ATRNL1: variants seen among roughly 807,000 people sequenced by gnomAD.
The protein encoded by ATRNL1 is attractin-like protein 1.
ATRNL1 carries 95 observed loss-of-function variants against 182.7 expected under a neutral mutation model. That is an observed-to-expected ratio of 0.52 (90% CI 0.44 to 0.62). The LOEUF is 0.62. ATRNL1 is among the 20% of genes least tolerant of loss of function. The pLI is 0.00. For missense variants in ATRNL1, 1,471 were observed against 1,679.5 expected (o/e 0.88, Z 2.17); for synonymous variants, 576 against 568.3 (o/e 1.01, Z -0.19).
intron 27 of ATRNL1, among the ~76,000 whole-genome samples, chr10:115,766,701 T>G (rs536229239): frequency 1.3e-5 from 2 of 152,296 alleles, no homozygotes; most frequent in South Asian, 4.1e-4. Context: ...AAATCCACAA[T>G]CAAGTGTAGA....
chr10:115,259,430 C>G (rs1255653955), intron 10 of ATRNL1, among the ~76,000 whole-genome samples: 2 of 152,218 alleles, frequency 1.3e-5, no homozygotes, highest in East Asian at 3.9e-4. Context: ...AAGCCAGGCA[C>G]TGGAGAGAAT....
At chr10:115,703,797 T>C (rs1472292887) in intron 26 of ATRNL1, among the ~76,000 whole-genome samples, 1 of 151,760 alleles carries the variant, frequency 6.6e-6, no homozygotes, top group Non-Finnish European at 1.5e-5. Context: ...TTTGGGGGAA[T>C]TTTCTTTCCA....
chr10:115,921,776 C>T (rs1405670010), intron 28 of ATRNL1, among the ~76,000 whole-genome samples: 1 of 152,084 alleles, frequency 6.6e-6, no homozygotes, highest in African/African-American at 2.4e-5. Flanking sequence ...ATTGTGTTAG[C>T]GTAAAGTGTT....
chr10:115,190,656 A>G (rs1420224120), intron 8 of ATRNL1, among the ~76,000 whole-genome samples: 1 of 152,162 alleles, frequency 6.6e-6, no homozygotes, highest in Non-Finnish European at 1.5e-5. Context: ...TGTAATGATC[A>G]AATCAGGGTA....
chr10:115,489,107 G>T (rs797027236), intron 24 of ATRNL1, among the ~76,000 whole-genome samples: 32 of 152,164 alleles, frequency 2.1e-4, no homozygotes, highest in African/African-American at 7.2e-4. Flanking sequence ...TATGATTTCC[G>T]TTCTTTTGCA....
In ATRNL1 at chr10:115,093,550, C is replaced by T; in HGVS notation, c.-201C>T. 4.3e-6 allele frequency: 3 copies of T among 694,412 alleles called. No individual in the cohort carries two copies. Among genetic ancestry groups the T allele is most frequent in the Non-Finnish European group, 7.8e-6 (3 of 386,716 alleles). The allele number at this position is 694,412 out of a possible 1,614,324, so 43.0% of individuals were successfully genotyped here. A position where few individuals can be genotyped will look rare whatever the true frequency, so the allele number is the denominator to read the frequency against. ...GGTCGGGAGACTGGGTGGCGATGCC[C>T]GAGTGCGACTGGAGGCAGCCGAGCG... On this transcript the variant is annotated 5_prime_UTR_variant, in exon 1 of 29. Transcript: ENST00000355044. This position sits in a 1 kb window ranked among gnomAD's most constrained non-coding sequence, Gnocchi z 6.1.
At chr10:115,346,259 C>A (rs782013500) in intron 19 of ATRNL1, among the ~76,000 whole-genome samples, 1 of 151,968 alleles carries the variant, frequency 6.6e-6, no homozygotes, top group Non-Finnish European at 1.5e-5. Context: ...AAATAGCTAC[C>A]CACTCCCCCA....
intron 8 of ATRNL1, among the ~76,000 whole-genome samples, chr10:115,171,938 C>A (rs1554885747): frequency 1.3e-5 from 2 of 151,970 alleles, no homozygotes; most frequent in Non-Finnish European, 2.9e-5. Flanking sequence ...AATATATGCC[C>A]TATGGTGGTT....
intron 26 of ATRNL1, among the ~76,000 whole-genome samples, chr10:115,586,574 G>A (rs1855517857): frequency 1.9e-5 from 2 of 102,864 alleles, no homozygotes; most frequent in African/African-American, 5.7e-5. Context: ...CATTCTTCAC[G>A]TAGTTCTCGA....
intron 25 of ATRNL1, among the ~76,000 whole-genome samples, chr10:115,523,338 C>T (rs1554985742): frequency 6.6e-6 from 1 of 152,194 alleles, no homozygotes; most frequent in African/African-American, 2.4e-5. Context: ...GAAATGCCTT[C>T]AGGGTCTTTC....
chr10:115,469,249 G>A lies in ATRNL1; in HGVS notation c.3574G>A (p.Glu1192Lys), dbSNP rs868957785. The part of the protein sequence containing the change: ...IKEYRDSFSY[E>K]KFNFRSNPNI... ...GGAATACAGAGATAGTTTTTCCTAT[G>A]AAAAATTTAACTTTAGAAGCAATCC... The change falls in exon 24 of 29, where the codon GAA becomes AAA. Residue 1192 changes from glutamate to lysine, a missense_variant. Physicochemically the swap from Glu to Lys is moderately conservative, Grantham distance 56 (BLOSUM62 1). Around this residue, in one of 3 missense-constraint regions of ATRNL1, gnomAD observed 437 missense variants for 506.0 expected, o/e 0.86. Coordinates refer to ENST00000355044, the MANE Select transcript of ATRNL1 (RefSeq NM_207303.4). 1 of 1,511,892 alleles carries A rather than the reference G, an allele frequency of 6.6e-7. No homozygotes were observed. The highest frequency in any genetic ancestry group is 8.9e-7 in the Non-Finnish European group (1 of 1,124,208). The allele number at this position is 1,511,892 out of a possible 1,614,324, so 93.7% of individuals were successfully genotyped here.
At chr10:115,305,864 CAA>C (rs147840661) in intron 17 of ATRNL1, among the ~76,000 whole-genome samples, 1,734 of 152,170 alleles carry the variant, frequency 0.011, 28 homozygotes, top group African/African-American at 0.039. Context: ...GGAAATGAAA[CAA>C]GAGAGGCAAT....
intron 21 of ATRNL1, among the ~76,000 whole-genome samples, chr10:115,437,347 G>T (rs111483703): frequency 0.013 from 1,954 of 152,008 alleles, 16 homozygotes; most frequent in Middle Eastern, 0.037. Flanking sequence ...TTAGAGGAGA[G>T]AAAAATGTTA....
At chr10:115,777,049 A>G (rs1555078132) in intron 27 of ATRNL1, among the ~76,000 whole-genome samples, 1 of 152,194 alleles carries the variant, frequency 6.6e-6, no homozygotes, top group African/African-American at 2.4e-5. Flanking sequence ...AAATGTCTCA[A>G]AAGAAAAGGT....
rs782371112 is a variant in ATRNL1, at chr10:115,093,936, G to A, written c.186G>A (p.Pro62=). ...ACGCGCAGGTGTCCCAGTCCAAGCC[G>A]TGCGAGAGGACCGGCTCCTGCTTCT... ...ALYAQVSQSK[P]CERTGSCFSG... The change falls in exon 1 of 29, where the codon CCG becomes CCA. Residue 62 remains proline, a synonymous_variant. Transcript: ENST00000355044. This position sits in a 1 kb window ranked among gnomAD's most constrained non-coding sequence, Gnocchi z 6.1. 1.3e-5 allele frequency: 20 copies of A among 1,596,406 alleles called. No homozygotes were observed. The African/African-American group carries it at 2.6e-4, about 21-fold the overall frequency.
chr10:115,794,011 AATG>A (rs1398767915), intron 27 of ATRNL1, among the ~76,000 whole-genome samples: 3 of 152,162 alleles, frequency 2.0e-5, no homozygotes, highest in African/African-American at 7.2e-5. Flanking sequence ...ACAATGTCAT[AATG>A]ATATTGATCA....
At chr10:115,211,729 A>G (rs966963327) in intron 8 of ATRNL1, among the ~76,000 whole-genome samples, 2 of 151,650 alleles carry the variant, frequency 1.3e-5, no homozygotes, top group Non-Finnish European at 2.9e-5. Flanking sequence ...GTCATTTAAC[A>G]TTAGTTATAT....
chr10:115,761,788 C>T (rs1948739503), intron 27 of ATRNL1, among the ~76,000 whole-genome samples: 1 of 151,994 alleles, frequency 6.6e-6, no homozygotes, highest in Non-Finnish European at 1.5e-5. Flanking sequence ...AACTTTGTTT[C>T]CTTAAATAAA....
In ATRNL1 at chr10:115,714,348, A is replaced by G. The variant is rs555132224; in HGVS notation, c.3796-12900A>G. Among the ~76,000 whole-genome samples the G allele has an allele frequency of 2.0e-5, 3 of 151,396 alleles. No individual in the cohort carries two copies. The East Asian group carries it at 5.8e-4, about 29-fold the overall frequency. ...GTGAAAAGAAAAAAAAAAACTCAGC[A>G]AAGTGAGAGAATTTCCTGTTAACAG... On this transcript the variant is annotated intron_variant, in intron 26 of 28. Transcript: ENST00000355044.
Sources: allele counts gnomAD v4.1 joint callset (sites outside exome capture counted in the v4.1 genomes callset), GRCh38; gene constraint gnomAD v4.1.1; regional missense constraint gnomAD v4.1.1; non-coding constraint Gnocchi (gnomAD v3.1); transcripts MANE v1.5; gene names NCBI Gene and HGNC (gene_info 2026-07-23, HGNC 2026-07-21).